USP20: variants seen among roughly 807,000 people sequenced by gnomAD.
USP20 encodes ubiquitin specific peptidase 20, also known as ubiquitin carboxyl-terminal hydrolase 20.
In USP20, 80 loss-of-function variants were observed where a neutral mutation model predicts 124.2. The ratio of observed to expected loss-of-function variants is 0.64; its 90% CI spans 0.54 to 0.78. The LOEUF is 0.78. USP20 is among the 30% of genes least tolerant of loss of function. The pLI is 0.00. For synonymous variants in USP20, 481 were observed against 512.3 expected (o/e 0.94, Z 0.83); for missense variants, 1,043 against 1,244.4 (o/e 0.84, Z 2.44).
chr9:129,865,452 C>T, intron 10 of USP20, 71 bp downstream of exon 10: 1 of 1,541,674 alleles, frequency 6.5e-7, no homozygotes, highest in Non-Finnish European at 9.0e-7. Context: ...ACGCCAAAAC[C>T]AGAGTGGAAA....
chr9:129,844,004 G>A (rs988335371), intron 1 of USP20, among the ~76,000 whole-genome samples: 3 of 152,074 alleles, frequency 2.0e-5, no homozygotes, highest in African/African-American at 7.2e-5. Context: ...GGAGGTAGAG[G>A]CTGCAGTGAA....
intron 10 of USP20, 44 bp from the exon 11 acceptor site, chr9:129,867,961 T>G (rs773362646): frequency 4.4e-6 from 7 of 1,573,582 alleles, no homozygotes; most frequent in African/African-American, 1.3e-5. Flanking sequence ...GACTGGTTCC[T>G]CCTGCCTCCA....
At chr9:129,845,032 A>G (rs2032457806) in intron 1 of USP20, among the ~76,000 whole-genome samples, 1 of 152,174 alleles carries the variant, frequency 6.6e-6, no homozygotes, top group African/African-American at 2.4e-5. Context: ...AAAATACAAA[A>G]ATTAGCCAGT....
chr9:129,858,610 G>A lies in USP20; in HGVS notation c.330+12G>A. ...AGTTCTCTGAACAGGTAACCTGTGTGGTGGGCTCTGTTTGGTTGTTGGTGA... is the reference window on the plus strand; with the variant it reads ...AGTTCTCTGAACAGGTAACCTGTGTAGTGGGCTCTGTTTGGTTGTTGGTGA... On this transcript the variant is annotated intron_variant, in intron 6 of 25. Transcript: ENST00000372429. 1 of 1,611,850 alleles carries A rather than the reference G, an allele frequency of 6.2e-7. No individual in the cohort carries two copies. Among genetic ancestry groups the A allele is most frequent in the Non-Finnish European group, 8.5e-7 (1 of 1,179,232 alleles).
At chr9:129,843,741 AAAAAC>A (rs761846207) in intron 1 of USP20, among the ~76,000 whole-genome samples, 25 of 152,150 alleles carry the variant, frequency 1.6e-4, no homozygotes, top group East Asian at 5.8e-4. Context: ...TCCATCTCAA[AAAAAC>A]AAAACAAAAC....
intron 1 of USP20, among the ~76,000 whole-genome samples, chr9:129,846,588 G>A (rs1241353438): frequency 1.3e-5 from 2 of 150,348 alleles, no homozygotes; most frequent in South Asian, 2.1e-4. Flanking sequence ...GTATTTTGGG[G>A]CCATTCAGCA....
At chr9:129,876,047 AG>A (rs1459351094) in intron 21 of USP20, 82 bp from the exon 22 acceptor site, 4 of 1,249,856 alleles carry the variant, frequency 3.2e-6, no homozygotes, top group African/African-American at 1.5e-5. Flanking sequence ...TGATGGCTTG[AG>A]GGGGAAGTGG....
chr9:129,838,434 T>C (rs1370127127), intron 1 of USP20, among the ~76,000 whole-genome samples: 4 of 152,140 alleles, frequency 2.6e-5, no homozygotes, highest in Non-Finnish European at 4.4e-5. Flanking sequence ...GGAGAGCCAA[T>C]TTCCATTGAT....
At chr9:129,878,853 A>G (rs900188021) in intron 23 of USP20, among the ~76,000 whole-genome samples, 2 of 152,262 alleles carry the variant, frequency 1.3e-5, no homozygotes, top group African/African-American at 2.4e-5. Flanking sequence ...GAACCAAGCC[A>G]TGGAAGCCCA....
At chr9:129,837,084 A>T (rs1406366824) in intron 1 of USP20, among the ~76,000 whole-genome samples, 3 of 152,178 alleles carry the variant, frequency 2.0e-5, no homozygotes, top group Non-Finnish European at 4.4e-5. Flanking sequence ...CCCAGTGATA[A>T]CCACCACCTG....
chr9:129,854,676 G>T (rs2033120317), intron 3 of USP20, among the ~76,000 whole-genome samples: 2 of 152,034 alleles, frequency 1.3e-5, no homozygotes, highest in African/African-American at 4.8e-5. Flanking sequence ...AGGGTGAATT[G>T]TGAAGTCAAA....
intron 6 of USP20, 134 bp from the exon 7 acceptor site, chr9:129,860,800 TCTG>T: frequency 1.2e-6 from 1 of 820,636 alleles, no homozygotes; most frequent in Non-Finnish European, 2.0e-6. Flanking sequence ...CACAGTACCT[TCTG>T]CTCAGCTGGA....
In USP20 at chr9:129,869,332, C is replaced by A; in HGVS notation, c.1299C>A (p.Ser433Arg). The part of the protein sequence containing the change: ...LKKAQVLSAG[S>R]RRRKEQRYRS... The stretch of plus-strand genomic sequence containing the variant: ...CAGCCCAGGTATTGAGTGCTGGCAG[C>A]CGGAGGCGGAAGGAGCAGCGCTACC... Residue 433 changes from serine to arginine, a missense_variant, in exon 13 of 26, where the codon AGC becomes AGA. By Grantham distance (110) the Ser-to-Arg change is moderately radical. Transcript: ENST00000372429. 1 of 1,613,668 alleles carries A rather than the reference C, an allele frequency of 6.2e-7. No homozygotes were observed. Among genetic ancestry groups the A allele is most frequent in the Non-Finnish European group, 8.5e-7 (1 of 1,179,996 alleles).
intron 8 of USP20, among the ~76,000 whole-genome samples, chr9:129,861,869 C>T (rs1398554412): frequency 2.0e-5 from 3 of 152,138 alleles, no homozygotes; most frequent in South Asian, 4.1e-4. Flanking sequence ...GATTTAAAGG[C>T]CCATCTGCAA....
chr9:129,873,462 C>G lies in USP20; in HGVS notation c.1661-20C>G, dbSNP rs749556664. The G allele has an allele frequency of 4.3e-6, 7 of 1,614,108 alleles. No individual in the cohort carries two copies. Among genetic ancestry groups the G allele is most frequent in the Non-Finnish European group, 5.9e-6 (7 of 1,179,996 alleles). On this transcript the variant is annotated intron_variant, in intron 15 of 25. Transcript: ENST00000372429. ...TTTTGCATCCTTGCTAACCTCTGAC[C>G]CTTTGTTTTACTGCCCTAGGTGACA...
intron 10 of USP20, among the ~76,000 whole-genome samples, chr9:129,867,711 A>G (rs548993894): frequency 1.3e-5 from 2 of 152,300 alleles, no homozygotes; most frequent in Admixed American, 6.5e-5. Context: ...CAGGAGATTC[A>G]GAGCCGGAGC....
intron 21 of USP20, 111 bp from the exon 22 acceptor site, chr9:129,876,019 A>G: frequency 1.0e-6 from 1 of 964,596 alleles, no homozygotes. Flanking sequence ...CAGGCCTGCG[A>G]CAGCGCTGAG....
chr9:129,868,105 A>G lies in USP20; in HGVS notation c.791A>G (p.Asp264Gly), dbSNP rs765160431. 5 of 1,614,038 alleles carry G rather than the reference A, an allele frequency of 3.1e-6. No individual in the cohort carries two copies. The South Asian group carries it at 3.3e-5, about 11-fold the overall frequency. The change falls in exon 11 of 26, where the codon GAT (aspartate) becomes GGT (glycine). Residue 264 changes from aspartate (D) to glycine (G), a missense_variant. Coordinates refer to ENST00000372429, the MANE Select transcript of USP20 (RefSeq NM_001110303.4). ...TVALTEARDS[D>G]SSDTDEKREG... ...GCGCTGACGGAGGCTCGGGACTCAG[A>G]TTCGAGTGACACGGATGAGAAACGG...
chr9:129,869,736 C>T lies in USP20; in HGVS notation c.1457C>T (p.Ala486Val). The change falls in exon 14 of 26, where the codon GCC becomes GTC. Residue 486 changes from alanine to valine, a missense_variant. Coordinates refer to ENST00000372429, the MANE Select transcript of USP20 (RefSeq NM_001110303.4). ...SLPIPGKEDL[A>V]KLHSAIYQNV... ...CCCATTCCTGGAAAGGAGGACCTGGCCAAGCTCCATTCAGCCATCTACCAG... is the reference window on the plus strand; with the variant it reads ...CCCATTCCTGGAAAGGAGGACCTGGTCAAGCTCCATTCAGCCATCTACCAG... 1 of 1,614,134 alleles carries T rather than the reference C, an allele frequency of 6.2e-7. No homozygotes were observed. Among genetic ancestry groups the T allele is most frequent in the African/African-American group, 1.3e-5 (1 of 75,078 alleles).
Sources: gnomAD v4.1 joint callset for allele counts (sites outside exome capture counted in the v4.1 genomes callset) on GRCh38, gnomAD v4.1.1 for gene constraint, MANE v1.5 for transcripts, NCBI Gene and HGNC (gene_info 2026-07-23, HGNC 2026-07-21) for gene names.